Variants in CLEC16A observed in about 807,000 individuals in gnomAD.
CLEC16A encodes C-type lectin domain containing 16A, also known as protein CLEC16A.
CLEC16A carries 51 observed loss-of-function variants against 109.5 expected under a neutral mutation model. The observed-to-expected ratio is 0.47, with a 90% confidence interval of 0.37 to 0.59. The LOEUF (loss-of-function observed/expected upper bound fraction) is 0.59, where lower values mean the gene tolerates loss of function less well. Among genes scored for constraint, CLEC16A ranks in the 20% least tolerant of loss-of-function variants. The pLI is 0.00. For synonymous variants in CLEC16A, 673 were observed against 564.2 expected (o/e 1.19, Z -2.73); for missense variants, 1,339 against 1,394.0 (o/e 0.96, Z 0.63).
chr16:11,011,207 A>T (rs548297005), intron 11 of CLEC16A, among the ~76,000 whole-genome samples: 2 of 152,206 alleles, frequency 1.3e-5, no homozygotes, highest in Admixed American at 6.5e-5. Flanking sequence ...TTTGTTGATG[A>T]TTCTTGCCTG....
chr16:10,968,328 G>A (rs889107888), intron 3 of CLEC16A, among the ~76,000 whole-genome samples: 3 of 152,234 alleles, frequency 2.0e-5, no homozygotes, highest in African/African-American at 7.2e-5. Flanking sequence ...TCAGGATCAG[G>A]AGATGCAGTG....
intron 1 of CLEC16A, among the ~76,000 whole-genome samples, chr16:10,956,994 G>A (rs1596735545): frequency 6.6e-6 from 1 of 152,020 alleles, no homozygotes; most frequent in African/African-American, 2.4e-5. Flanking sequence ...ACAGGGTTTC[G>A]CCATGTTGAC....
intron 1 of CLEC16A, among the ~76,000 whole-genome samples, chr16:10,947,962 T>C (rs13334525): frequency 0.091 from 13,834 of 152,110 alleles, 1,412 homozygotes; most frequent in African/African-American, 0.25. Flanking sequence ...GGCACGATCT[T>C]GGCTCACTGC....
intron 19 of CLEC16A, among the ~76,000 whole-genome samples, chr16:11,091,289 G>A (rs958778985): frequency 1.1e-3 from 162 of 152,356 alleles, no homozygotes; most frequent in African/African-American, 3.7e-3. Context: ...GTTGTGTGTG[G>A]CTTTCAGTAA....
At chr16:11,005,260 G>T (rs1316880183) in intron 11 of CLEC16A, among the ~76,000 whole-genome samples, 2 of 152,186 alleles carry the variant, frequency 1.3e-5, no homozygotes, top group Non-Finnish European at 2.9e-5. Context: ...TCTGCAGGCT[G>T]CTGTTTCAGC....
At chr16:10,947,955 A>G (rs565791353) in intron 1 of CLEC16A, among the ~76,000 whole-genome samples, 69 of 151,988 alleles carry the variant, frequency 4.5e-4, no homozygotes, top group Non-Finnish European at 7.8e-4. Context: ...GTGCAGTGGC[A>G]CGATCTTGGC....
At chr16:11,142,889 C>T (rs751230600) in intron 22 of CLEC16A, among the ~76,000 whole-genome samples, 4 of 152,236 alleles carry the variant, frequency 2.6e-5, no homozygotes, top group African/African-American at 9.7e-5. Context: ...CAGCTCACTG[C>T]AACCTCCGCC....
At chr16:11,089,842 G>T (rs537243806) in intron 19 of CLEC16A, among the ~76,000 whole-genome samples, 1 of 152,202 alleles carries the variant, frequency 6.6e-6, no homozygotes, top group Non-Finnish European at 1.5e-5. Context: ...GCCAGGCACC[G>T]GTCCAAACCA....
intron 19 of CLEC16A, among the ~76,000 whole-genome samples, chr16:11,068,720 C>T (rs111387323): frequency 6.6e-6 from 1 of 152,178 alleles, no homozygotes; most frequent in Non-Finnish European, 1.5e-5. Flanking sequence ...CAGCCTCTGC[C>T]GCAAAATACA....
chr16:11,115,616 A>G (rs1018109907), intron 19 of CLEC16A, among the ~76,000 whole-genome samples: 1 of 152,040 alleles, frequency 6.6e-6, no homozygotes. Context: ...CAAGCGATCC[A>G]CCCATCTCAG....
intron 10 of CLEC16A, among the ~76,000 whole-genome samples, chr16:10,995,093 A>G (rs1360082630): frequency 6.6e-6 from 1 of 152,276 alleles, no homozygotes; most frequent in Non-Finnish European, 1.5e-5. Context: ...AAGACAATGT[A>G]TATAAAGTGT....
chr16:11,035,757 C>G (rs1477172840), intron 13 of CLEC16A, among the ~76,000 whole-genome samples: 1 of 152,236 alleles, frequency 6.6e-6, no homozygotes, highest in Non-Finnish European at 1.5e-5. Flanking sequence ...ATCCTCTCCT[C>G]CTTCCTTCCA....
intron 3 of CLEC16A, among the ~76,000 whole-genome samples, chr16:10,963,325 A>T (rs577771878): frequency 6.6e-6 from 1 of 152,170 alleles, no homozygotes; most frequent in Non-Finnish European, 1.5e-5. Context: ...TACAGCCACA[A>T]TGGGGGTTAG....
At position 11,041,429 on chromosome 16, in the gene CLEC16A, A is replaced by G. The variant is rs1000111775; in HGVS notation, c.1661-825A>G. ...GACTGCTGAGGCCTAGCTTCAGGCA[A>G]AGCTGGATCCAGGGGCTCAAACAGT... On this transcript the variant is annotated intron_variant, in intron 14 of 23. Coordinates refer to ENST00000409790, the MANE Select transcript of CLEC16A (RefSeq NM_015226.3). 5.9e-5 allele frequency: 9 copies of G among 152,236 alleles called. 1 individual carries two copies. The highest frequency in any genetic ancestry group is 2.2e-4 in the African/African-American group (9 of 41,460). 9.4% of individuals were successfully genotyped at this position (152,236 alleles called of 1,614,324 possible). A position where few individuals can be genotyped will look rare whatever the true frequency, so the allele number is the denominator to read the frequency against.
At chr16:11,037,267 C>A (rs1310557939) in intron 13 of CLEC16A, among the ~76,000 whole-genome samples, 1 of 152,210 alleles carries the variant, frequency 6.6e-6, no homozygotes, top group African/African-American at 2.4e-5. Context: ...GGTGCTGCCA[C>A]CCTTTCCCAT....
At chr16:11,095,414 C>T (rs566977504) in intron 19 of CLEC16A, among the ~76,000 whole-genome samples, 4 of 152,284 alleles carry the variant, frequency 2.6e-5, no homozygotes, top group East Asian at 3.9e-4. Flanking sequence ...ATTCTCTCCA[C>T]GGGCCAGCTC....
At chr16:11,109,480 A>G (rs1028776140) in intron 19 of CLEC16A, among the ~76,000 whole-genome samples, 3 of 152,164 alleles carry the variant, frequency 2.0e-5, no homozygotes, top group African/African-American at 7.2e-5. Flanking sequence ...ACATGGCTTT[A>G]GAGAACCAAA....
intron 11 of CLEC16A, among the ~76,000 whole-genome samples, chr16:11,010,173 C>T: frequency 7.3e-6 from 1 of 137,326 alleles, no homozygotes; most frequent in East Asian, 2.5e-4. Context: ...GAAGATGGTG[C>T]AAGAGCTCTA....
At position 11,109,928 on chromosome 16, in the gene CLEC16A, C is replaced by A. The variant is rs563801073; in HGVS notation, c.2117-10687C>A. Among the ~76,000 whole-genome samples the A allele has an allele frequency of 8.8e-4, 134 of 152,356 alleles. 1 individual carries two copies. Among genetic ancestry groups the A allele is most frequent in the African/African-American group, 3.2e-3 (132 of 41,576 alleles). On this transcript the variant is annotated intron_variant, in intron 19 of 23. Transcript: ENST00000409790. ...CTTGGAATTCTGCTGGCCTGGATAT[C>A]CCCCTGTAAGGAAAAAGACTTGCAT...
Sources: allele counts gnomAD v4.1 joint callset (sites outside exome capture counted in the v4.1 genomes callset), GRCh38; gene constraint gnomAD v4.1.1; transcripts MANE v1.5; gene names NCBI Gene and HGNC (gene_info 2026-07-23, HGNC 2026-07-21).